The following ESR1 variants were observed in gnomAD, a reference collection of about 807,000 sequenced individuals.
The protein encoded by ESR1 is estrogen receptor 1.
In ESR1, 12 loss-of-function variants were observed where a neutral mutation model predicts 52.7. That is an observed-to-expected ratio of 0.23 (90% CI 0.15 to 0.37). The LOEUF (loss-of-function observed/expected upper bound fraction) is 0.37, where lower values mean the gene tolerates loss of function less well. Ranked by LOEUF, ESR1 falls within the 10% of genes least tolerant of loss-of-function variation. ESR1 has a pLI of 1.00. For synonymous variants in ESR1, 305 were observed against 316.8 expected, an observed-to-expected ratio of 0.96 and a Z score of 0.39; for missense variants, 584 against 779.7, an observed-to-expected ratio of 0.75 and a Z score of 2.99.
chr6:151,971,209 A>G (rs1450198669), intron 4 of ESR1, among the ~76,000 whole-genome samples: 1 of 152,110 alleles, frequency 6.6e-6, no homozygotes, highest in African/African-American at 2.4e-5. Context: ...TTTTATTCCC[A>G]CAGGTTTTTG....
intron 2 of ESR1, among the ~76,000 whole-genome samples, chr6:151,732,489 G>A (rs897687224): frequency 2.0e-5 from 3 of 151,878 alleles, no homozygotes; most frequent in Admixed American, 6.6e-5. Flanking sequence ...AAGGATTTAC[G>A]TGTCGGTAAA....
chr6:151,687,785 A>G (rs771851617), upstream of ESR1, among the ~76,000 whole-genome samples: 1 of 152,222 alleles, frequency 6.6e-6, no homozygotes, highest in Non-Finnish European at 1.5e-5. Flanking sequence ...ACAATGTGAC[A>G]CTACCAAGGA....
chr6:151,689,706 C>T (rs897686425), upstream of ESR1, among the ~76,000 whole-genome samples: 2 of 152,088 alleles, frequency 1.3e-5, no homozygotes, highest in African/African-American at 4.8e-5. Flanking sequence ...ATCCTGCCTC[C>T]GCCCCATTCT....
At chr6:151,943,819 C>T (rs2035392913) in intron 3 of ESR1, among the ~76,000 whole-genome samples, 1 of 152,144 alleles carries the variant, frequency 6.6e-6, no homozygotes, top group African/African-American at 2.4e-5. Context: ...CACACCCCTA[C>T]CTAGTGTGTC....
At position 151,683,267 on chromosome 6, in the gene ESR1, C is replaced by T. The variant is rs143865367; in HGVS notation, n.74-18608C>T. ...TTTTGGTATTGTAGAGGGAGGTTTA[C>T]AAGCCCAGGTGGGTGTACTTGGGGA... On this transcript the variant is annotated intron_variant and non_coding_transcript_variant, in intron 1 of 2. Transcript: ENST00000473497. Among the ~76,000 whole-genome samples the T allele has an allele frequency of 1.6e-4, 25 of 152,220 alleles. No individual in the cohort carries two copies. In the East Asian group the frequency reaches 4.8e-3, roughly 29 times the overall value.
chr6:151,837,466 A>G (rs1358181743), intron 1 of ESR1, among the ~76,000 whole-genome samples: 1 of 152,162 alleles, frequency 6.6e-6, no homozygotes, highest in African/African-American at 2.4e-5. Context: ...TTAGTAGTCG[A>G]ACTAGATCAA....
intron 6 of ESR1, among the ~76,000 whole-genome samples, chr6:152,119,528 C>G (rs1245649687): frequency 6.6e-6 from 1 of 152,192 alleles, no homozygotes. Context: ...AATCTCCTTA[C>G]CACCATGTTA....
intron 6 of ESR1, among the ~76,000 whole-genome samples, chr6:152,083,698 T>A (rs2049435836): frequency 6.6e-6 from 1 of 152,106 alleles, no homozygotes; most frequent in South Asian, 2.1e-4. Flanking sequence ...ATTTTTGCAA[T>A]CCACCCATCT....
At chr6:151,793,682 A>G (rs1776425151) in intron 2 of ESR1, among the ~76,000 whole-genome samples, 1 of 152,208 alleles carries the variant, frequency 6.6e-6, no homozygotes, top group Non-Finnish European at 1.5e-5. Context: ...TAACCTTACA[A>G]GACCACTGTC....
At chr6:151,972,575 A>G (rs1378907459) in intron 4 of ESR1, among the ~76,000 whole-genome samples, 2 of 152,234 alleles carry the variant, frequency 1.3e-5, no homozygotes, top group Non-Finnish European at 2.9e-5. Context: ...CAATAGATGC[A>G]GAAAAAGCAT....
intron 3 of ESR1, among the ~76,000 whole-genome samples, chr6:151,884,230 T>C (rs942574237): frequency 2.6e-5 from 4 of 152,240 alleles, no homozygotes; most frequent in Non-Finnish European, 5.9e-5. Flanking sequence ...ATATAATTTA[T>C]TGTATTTTCT....
chr6:152,063,175 G>A (rs2047684465), intron 6 of ESR1, among the ~76,000 whole-genome samples: 1 of 152,058 alleles, frequency 6.6e-6, no homozygotes, highest in Admixed American at 6.6e-5. Flanking sequence ...TTGTTCCTTC[G>A]CTTCTTTCTT....
intron 4 of ESR1, among the ~76,000 whole-genome samples, chr6:152,002,455 G>A (rs561387503): frequency 7.9e-5 from 12 of 152,014 alleles, no homozygotes; most frequent in Admixed American, 3.3e-4. Context: ...TGAAATGCTC[G>A]TAGATCTGCT....
chr6:151,806,204 T>A (rs1273483095), upstream of ESR1, among the ~76,000 whole-genome samples: 1 of 152,178 alleles, frequency 6.6e-6, no homozygotes, highest in African/African-American at 2.4e-5. Flanking sequence ...CAATCTATAG[T>A]CATTAATGCT....
chr6:152,043,890 G>C (rs1393617143), intron 5 of ESR1, among the ~76,000 whole-genome samples: 1 of 152,126 alleles, frequency 6.6e-6, no homozygotes, highest in African/African-American at 2.4e-5. Context: ...TTTCGTTGCA[G>C]GTCAGCCACT....
chr6:151,779,825 G>C (rs930962497), intron 2 of ESR1, among the ~76,000 whole-genome samples: 1 of 128,540 alleles, frequency 7.8e-6, no homozygotes, highest in Non-Finnish European at 1.7e-5. Context: ...GCGTGAACCC[G>C]GGAGGCGGAG....
intron 2 of ESR1, among the ~76,000 whole-genome samples, chr6:151,796,915 G>T (rs1776765231): frequency 6.6e-6 from 1 of 152,222 alleles, no homozygotes; most frequent in South Asian, 2.1e-4. Context: ...AGCCAATCTA[G>T]TTCCCTTGGC....
intron 3 of ESR1, among the ~76,000 whole-genome samples, chr6:151,912,969 T>G (rs1798506591): frequency 2.6e-5 from 4 of 151,942 alleles, no homozygotes; most frequent in Admixed American, 2.6e-4. Flanking sequence ...ACCTAATGCA[T>G]GTGGGGCTTA....
intron 2 of ESR1, among the ~76,000 whole-genome samples, chr6:151,735,800 C>T (rs1464132841): frequency 6.6e-6 from 1 of 152,030 alleles, no homozygotes; most frequent in Non-Finnish European, 1.5e-5. Context: ...AATTGTAATC[C>T]CCATAATCTC....
Sources: allele counts gnomAD v4.1 joint callset (sites outside exome capture counted in the v4.1 genomes callset), GRCh38; gene constraint gnomAD v4.1.1; transcripts MANE v1.5; gene names NCBI Gene and HGNC (gene_info 2026-07-23, HGNC 2026-07-21).